VPS13B: variants seen among roughly 807,000 people sequenced by gnomAD.
The protein encoded by VPS13B is vacuolar protein sorting 13 homolog B, also known as intermembrane lipid transfer protein VPS13B.
A neutral mutation model predicts 426.4 loss-of-function variants in VPS13B; 285 were observed. That is an observed-to-expected ratio of 0.67 (90% CI 0.61 to 0.74). The LOEUF (loss-of-function observed/expected upper bound fraction) is 0.74. Ranked by LOEUF, VPS13B falls within the 30% of genes least tolerant of loss-of-function variation. The pLI, the probability that VPS13B is intolerant of heterozygous loss-of-function variation, is 0.00. For missense variants in VPS13B, 4,537 were observed against 4,782.6 expected (o/e 0.95, Z 1.51); for synonymous variants, 1,676 against 1,676.4 (o/e 1.00, Z 0.01).
chr8:99,747,803 T>C (rs1810173383), intron 39 of VPS13B, among the ~76,000 whole-genome samples: 1 of 152,066 alleles, frequency 6.6e-6, no homozygotes, highest in Admixed American at 6.6e-5. Flanking sequence ...TGAGGTTTTT[T>C]GTTTTGTTTT....
At chr8:99,152,616 T>C (rs1177835695) in intron 14 of VPS13B, among the ~76,000 whole-genome samples, 1 of 152,226 alleles carries the variant, frequency 6.6e-6, no homozygotes, top group African/African-American at 2.4e-5. Context: ...GTGGGTTTGT[T>C]GGATTTTTTC....
Position 99,572,829 on chromosome 8 carries a change from G to A in VPS13B, c.4950-2829G>A, listed in dbSNP as rs551078527. Among the ~76,000 whole-genome samples the A allele has an allele frequency of 6.3e-3, 958 of 152,184 alleles. 10 individuals carry two copies. Among genetic ancestry groups the A allele is most frequent in the Non-Finnish European group, 0.011 (720 of 67,968 alleles). On this transcript the variant is annotated intron_variant, in intron 31 of 61. Transcript: ENST00000357162. Reference sequence around the variant, plus strand: ...TTGGGTATATACCCAGTAATGGGATGGCTGGGTCAAATGGTATTTCTAGTT... The same window carrying A: ...TTGGGTATATACCCAGTAATGGGATAGCTGGGTCAAATGGTATTTCTAGTT...
chr8:99,599,386 T>G (rs146999933), intron 33 of VPS13B, among the ~76,000 whole-genome samples: 1 of 152,234 alleles, frequency 6.6e-6, no homozygotes, highest in East Asian at 1.9e-4. Context: ...TGATTTCTAA[T>G]GCTTTTAATA....
chr8:99,104,979 A>T (rs1490676595), intron 5 of VPS13B, among the ~76,000 whole-genome samples: 1 of 152,166 alleles, frequency 6.6e-6, no homozygotes, highest in African/African-American at 2.4e-5. Context: ...ATGTTTAGTC[A>T]TATATTCCTT....
chr8:99,573,846 G>A (rs2133804578), intron 31 of VPS13B, among the ~76,000 whole-genome samples: 1 of 152,232 alleles, frequency 6.6e-6, no homozygotes, highest in Middle Eastern at 3.4e-3. Flanking sequence ...GAAAGTCATT[G>A]GTAGCTTGAT....
At chr8:99,718,191 T>TGA (rs1436389289) in intron 37 of VPS13B, among the ~76,000 whole-genome samples, 12 of 151,936 alleles carry the variant, frequency 7.9e-5, no homozygotes, top group Non-Finnish European at 1.8e-4. Context: ...GTGATCCTCT[T>TGA]GCATCAACCT....
At chr8:99,268,604 G>T (rs1818421709) in intron 17 of VPS13B, among the ~76,000 whole-genome samples, 2 of 152,130 alleles carry the variant, frequency 1.3e-5, no homozygotes, top group African/African-American at 2.4e-5. Flanking sequence ...TCTCCCATTT[G>T]GAATGGATGT....
In VPS13B at chr8:99,337,037, C is replaced by T. The variant is rs376193300; in HGVS notation, c.2825-47171C>T. On this transcript the variant is annotated intron_variant, in intron 19 of 61. Coordinates refer to ENST00000357162, the MANE Select transcript of VPS13B (RefSeq NM_152564.5). Reference sequence around the variant, plus strand: ...GGTATATACCCAAAGGATTATAAATCATGCTGCTATAGAGACACATGCACA... The same window carrying T: ...GGTATATACCCAAAGGATTATAAATTATGCTGCTATAGAGACACATGCACA... Among the ~76,000 whole-genome samples, 4 of 152,264 alleles carry T rather than the reference C, an allele frequency of 2.6e-5. No individual in the cohort carries two copies. In the East Asian group the frequency reaches 5.8e-4, roughly 22 times the overall value.
intron 3 of VPS13B, among the ~76,000 whole-genome samples, chr8:99,088,364 T>C (rs1420685776): frequency 6.6e-6 from 1 of 152,178 alleles, no homozygotes; most frequent in African/African-American, 2.4e-5. Flanking sequence ...TAGCATCATT[T>C]TGCAATGTTA....
chr8:99,577,909 G>A, intron 33 of VPS13B: 2 of 419,090 alleles, frequency 4.8e-6, no homozygotes, highest in Admixed American at 7.5e-5. Context: ...GCCTGCTGAA[G>A]TTCTAAAGTA....
At chr8:99,023,929 G>A (rs1378828494) in intron 2 of VPS13B, among the ~76,000 whole-genome samples, 1 of 152,202 alleles carries the variant, frequency 6.6e-6, no homozygotes, top group Non-Finnish European at 1.5e-5. Context: ...CCAGTAGTGG[G>A]ATTGCTGGAT....
At chr8:99,371,066 T>A (rs1398432410) in intron 19 of VPS13B, among the ~76,000 whole-genome samples, 1 of 152,200 alleles carries the variant, frequency 6.6e-6, no homozygotes, top group Admixed American at 6.5e-5. Flanking sequence ...TACTGATACT[T>A]ATTTGACATT....
intron 33 of VPS13B, among the ~76,000 whole-genome samples, chr8:99,612,609 G>A (rs940040049): frequency 6.6e-6 from 1 of 152,134 alleles, no homozygotes; most frequent in African/African-American, 2.4e-5. Context: ...TAAGAACTCA[G>A]CCTGCTACTG....
intron 21 of VPS13B, among the ~76,000 whole-genome samples, chr8:99,412,089 A>T (rs1315639507): frequency 6.6e-6 from 1 of 152,232 alleles, no homozygotes; most frequent in Non-Finnish European, 1.5e-5. Context: ...CTTTGAAGAA[A>T]GTCAATGGTA....
chr8:99,715,581 C>T (rs16897600), intron 36 of VPS13B, among the ~76,000 whole-genome samples: 4,164 of 152,140 alleles, frequency 0.027, 170 homozygotes, highest in African/African-American at 0.093. Flanking sequence ...AGATAAGCAA[C>T]CTAGGTGGCC....
intron 24 of VPS13B, among the ~76,000 whole-genome samples, chr8:99,474,183 A>ATT (rs34752686): frequency 0.021 from 2,612 of 124,928 alleles, 256 homozygotes; most frequent in Admixed American, 0.14. Flanking sequence ...CTGTTATCCA[A>ATT]TTTTTTTTTT....
At chr8:99,514,369 G>C (rs1821948940) in intron 29 of VPS13B, among the ~76,000 whole-genome samples, 1 of 152,020 alleles carries the variant, frequency 6.6e-6, no homozygotes, top group African/African-American at 2.4e-5. Context: ...CATTCATAAT[G>C]TTGTGCAACC....
chr8:99,642,433 A>G lies in VPS13B; in HGVS notation c.5843A>G (p.Gln1948Arg), dbSNP rs1287582039. 1 of 1,614,126 alleles carries G rather than the reference A, an allele frequency of 6.2e-7. No individual in the cohort carries two copies. The highest frequency in any genetic ancestry group is 8.5e-7 in the Non-Finnish European group (1 of 1,180,010). Residue 1948 changes from glutamine (Q) to arginine (R), a missense_variant, in exon 34 of 62, where the codon CAG becomes CGG. Physicochemically the swap from Gln to Arg is conservative, Grantham distance 43 (BLOSUM62 1). Transcript: ENST00000357162. ...CTTCTGAGTTGTCACCACAGAAAGCAGCGAGTGGAAGTATCCATTTTTGAT... is the reference window on the plus strand; with the variant it reads ...CTTCTGAGTTGTCACCACAGAAAGCGGCGAGTGGAAGTATCCATTTTTGAT... The part of the protein sequence containing the change: ...SLLLSCHHRK[Q>R]RVEVSIFDAV...
At chr8:99,518,386 A>G (rs537555567) in intron 29 of VPS13B, among the ~76,000 whole-genome samples, 47 of 152,300 alleles carry the variant, frequency 3.1e-4, no homozygotes, top group African/African-American at 1.1e-3. Flanking sequence ...AACAATGTTC[A>G]TATTATAAGG....
Sources: allele counts gnomAD v4.1 joint callset (sites outside exome capture counted in the v4.1 genomes callset), GRCh38; gene constraint gnomAD v4.1.1; transcripts MANE v1.5; gene names NCBI Gene and HGNC (gene_info 2026-07-23, HGNC 2026-07-21).